ROBO2: variants seen among roughly 807,000 people sequenced by gnomAD.
ROBO2 encodes roundabout homolog 2.
A neutral mutation model predicts 160.8 loss-of-function variants in ROBO2; 53 were observed. That is an observed-to-expected ratio of 0.33 (90% CI 0.26 to 0.41). The LOEUF (loss-of-function observed/expected upper bound fraction) is 0.41, where lower values mean the gene tolerates loss of function less well. Ranked by LOEUF, ROBO2 falls within the 10% of genes least tolerant of loss-of-function variation. ROBO2 has a pLI of 1.00. For synonymous variants in ROBO2, 664 were observed against 611.7 expected, an observed-to-expected ratio of 1.09 and a Z score of -1.26; for missense variants, 1,577 against 1,722.4, an observed-to-expected ratio of 0.92 and a Z score of 1.49.
intron 1 of ROBO2, among the ~76,000 whole-genome samples, chr3:77,070,545 A>G (rs2067298727): frequency 6.6e-6 from 1 of 152,178 alleles, no homozygotes; most frequent in African/African-American, 2.4e-5. Flanking sequence ...AAATAAGGTC[A>G]TACGATGGCA....
At chr3:77,575,629 T>C (rs893017744) in intron 14 of ROBO2, among the ~76,000 whole-genome samples, 2 of 152,108 alleles carry the variant, frequency 1.3e-5, no homozygotes, top group African/African-American at 4.8e-5. Flanking sequence ...CAAAAATGCA[T>C]ATTCAAAAAG....
At chr3:77,522,735 GCTA>G (rs770090405) in intron 5 of ROBO2, 37 bp from the exon 6 acceptor site, 10 of 1,588,976 alleles carry the variant, frequency 6.3e-6, no homozygotes, top group East Asian at 2.2e-5. Flanking sequence ...TATCCGTATA[GCTA>G]CTACTATTTA....
At chr3:75,913,301 C>A (rs1946676255) in intron 1 of ROBO2, among the ~76,000 whole-genome samples, 1 of 152,164 alleles carries the variant, frequency 6.6e-6, no homozygotes, top group Non-Finnish European at 1.5e-5. Context: ...GTCTCAAGAT[C>A]CTTAACTTAA....
At chr3:76,337,527 C>A (rs1289680780) in intron 2 of ROBO2, among the ~76,000 whole-genome samples, 1 of 152,086 alleles carries the variant, frequency 6.6e-6, no homozygotes, top group East Asian at 1.9e-4. Flanking sequence ...AGGATTGTAT[C>A]TATTTTGTAA....
intron 2 of ROBO2, among the ~76,000 whole-genome samples, chr3:76,948,901 TA>T (rs2078763744): frequency 3.2e-5 from 1 of 31,088 alleles, no homozygotes; most frequent in Non-Finnish European, 5.5e-5. Flanking sequence ...TATATATATA[TA>T]TATATATTTT....
intron 2 of ROBO2, among the ~76,000 whole-genome samples, chr3:76,289,608 G>GT (rs770754544): frequency 1.8e-4 from 28 of 152,148 alleles, no homozygotes; most frequent in East Asian, 1.2e-3. Context: ...TTCTTCTAGC[G>GT]TTTTTATAGT....
At chr3:76,345,835 T>C (rs1333707502) in intron 2 of ROBO2, among the ~76,000 whole-genome samples, 2 of 152,158 alleles carry the variant, frequency 1.3e-5, no homozygotes, top group Non-Finnish European at 2.9e-5. Flanking sequence ...TCTGTAACTC[T>C]TTGTGATTCA....
intron 2 of ROBO2, among the ~76,000 whole-genome samples, chr3:76,834,651 C>A (rs1362210775): frequency 6.6e-6 from 1 of 152,128 alleles, no homozygotes; most frequent in East Asian, 1.9e-4. Flanking sequence ...CAGGCATGAG[C>A]CATTGCATCT....
At chr3:77,646,192 C>T (rs2153725685) in exon 26 of ROBO2, 1 of 542,704 alleles carries the variant, frequency 1.8e-6, no homozygotes, top group Non-Finnish European at 3.2e-6. Flanking sequence ...TAAAGACACA[C>T]AGCCACACAT....
chr3:77,574,654 A>T, exon 14 of ROBO2: 1 of 1,613,406 alleles, frequency 6.2e-7, no homozygotes. Context: ...TGACTTATGA[A>T]ATTAAAGTAC....
chr3:76,397,726 G>A (rs1384100339), intron 2 of ROBO2, among the ~76,000 whole-genome samples: 2 of 152,172 alleles, frequency 1.3e-5, no homozygotes, highest in African/African-American at 4.8e-5. Context: ...ATGAAAAAAT[G>A]CTCACCATCA....
intron 2 of ROBO2, chr3:76,434,849 C>A: frequency 6.4e-7 from 1 of 1,573,708 alleles, no homozygotes; most frequent in Non-Finnish European, 8.7e-7. Flanking sequence ...CTCACAAGAA[C>A]CCTGCCCTGA....
chr3:77,643,454 G>C (rs1286102946), intron 24 of ROBO2, among the ~76,000 whole-genome samples: 1 of 152,168 alleles, frequency 6.6e-6, no homozygotes, highest in Non-Finnish European at 1.5e-5. Context: ...CTGTTAATCA[G>C]TTGATTGATT....
intron 1 of ROBO2, among the ~76,000 whole-genome samples, chr3:75,929,344 T>C (rs980535030): frequency 6.6e-6 from 1 of 152,182 alleles, no homozygotes; most frequent in African/African-American, 2.4e-5. Flanking sequence ...TTCTATACTT[T>C]TGTGTTAAAT....
intron 2 of ROBO2, among the ~76,000 whole-genome samples, chr3:77,383,288 GAC>G (rs2073747281): frequency 6.6e-6 from 1 of 151,914 alleles, no homozygotes; most frequent in Non-Finnish European, 1.5e-5. Context: ...CCAAAGTTTA[GAC>G]ACATACTGCA....
At chr3:77,383,326 T>C (rs1297043704) in intron 2 of ROBO2, among the ~76,000 whole-genome samples, 1 of 152,140 alleles carries the variant, frequency 6.6e-6, no homozygotes, top group Non-Finnish European at 1.5e-5. Context: ...TGTTCAATAA[T>C]GAAATAGCTA....
At chr3:77,273,863 A>C (rs2059655623) in intron 2 of ROBO2, among the ~76,000 whole-genome samples, 1 of 152,146 alleles carries the variant, frequency 6.6e-6, no homozygotes, top group Admixed American at 6.6e-5. Context: ...CGTGTCATGA[A>C]TGTCAAGACT....
intron 2 of ROBO2, among the ~76,000 whole-genome samples, chr3:76,524,834 A>G (rs2081850512): frequency 4.2e-5 from 4 of 94,260 alleles, no homozygotes; most frequent in African/African-American, 2.1e-4. Context: ...CCTAAAAAAA[A>G]AAAAAAAAAA....
At chr3:76,024,060 TTA>T (rs979799749) in intron 2 of ROBO2, among the ~76,000 whole-genome samples, 4 of 151,416 alleles carry the variant, frequency 2.6e-5, no homozygotes, top group Non-Finnish European at 4.4e-5. Context: ...ATCTCATTAG[TTA>T]TATATATATT....
Sources: allele counts gnomAD v4.1 joint callset (sites outside exome capture counted in the v4.1 genomes callset), GRCh38; gene constraint gnomAD v4.1.1; transcripts MANE v1.5; gene names NCBI Gene and HGNC (gene_info 2026-07-23, HGNC 2026-07-21).